Variants in JAKMIP3 observed in about 807,000 individuals in gnomAD.
JAKMIP3 encodes Janus kinase and microtubule interacting protein 3, also known as janus kinase and microtubule-interacting protein 3.
A neutral mutation model predicts 118.5 loss-of-function variants in JAKMIP3; 58 were observed. That is an observed-to-expected ratio of 0.49 (90% CI 0.40 to 0.61). The LOEUF (loss-of-function observed/expected upper bound fraction) is 0.61, where lower values mean the gene tolerates loss of function less well. Ranked by LOEUF, JAKMIP3 falls within the 20% of genes least tolerant of loss-of-function variation. JAKMIP3 has a pLI of 0.00. For synonymous variants in JAKMIP3, 486 were observed against 451.2 expected, an observed-to-expected ratio of 1.08 and a Z score of -0.98; for missense variants, 950 against 1,109.0, an observed-to-expected ratio of 0.86 and a Z score of 2.04.
intron 1 of JAKMIP3, among the ~76,000 whole-genome samples, chr10:132,103,989 T>C (rs2045513226): frequency 6.6e-6 from 1 of 152,224 alleles, no homozygotes; most frequent in Non-Finnish European, 1.5e-5. Context: ...TTTGTCCTTC[T>C]GTGACCGGCT....
At chr10:132,142,686 C>T (rs1033774706) in intron 11 of JAKMIP3, among the ~76,000 whole-genome samples, 8 of 152,190 alleles carry the variant, frequency 5.3e-5, no homozygotes, top group Non-Finnish European at 1.2e-4. Context: ...GGTCGGGGGT[C>T]CTCTTGCCGC....
chr10:132,158,589 A>C (rs868358096), intron 19 of JAKMIP3, among the ~76,000 whole-genome samples: 1 of 152,012 alleles, frequency 6.6e-6, no homozygotes, highest in Non-Finnish European at 1.5e-5. Flanking sequence ...CCTACTCTGG[A>C]GGGGACTGGG....
chr10:132,125,524 C>T (rs961519588), intron 3 of JAKMIP3, among the ~76,000 whole-genome samples: 1 of 152,248 alleles, frequency 6.6e-6, no homozygotes, highest in Non-Finnish European at 1.5e-5. Flanking sequence ...TTCCTTCTTT[C>T]CCTTCTTCAA....
rs544994337 is a variant in JAKMIP3 at position 132,131,943 on chromosome 10, C to T, written c.634-1369C>T. The stretch of plus-strand genomic sequence containing the variant: ...CTGCCCTGCCTGCTGCTGGAAACAG[C>T]CCACCGTGAGCAAGGTGGGGGCTCC... On this transcript the variant is annotated intron_variant, in intron 3 of 23. Coordinates refer to ENST00000684848, the MANE Select transcript of JAKMIP3 (RefSeq NM_001323087.2). Among the ~76,000 whole-genome samples the T allele has an allele frequency of 3.3e-5, 5 of 152,272 alleles. No homozygotes were observed. In the East Asian group the frequency reaches 9.7e-4, roughly 29 times the overall value.
chr10:132,074,671 A>G (rs1358691768), intron 1 of JAKMIP3, among the ~76,000 whole-genome samples: 3 of 152,190 alleles, frequency 2.0e-5, no homozygotes, highest in Admixed American at 2.0e-4. Flanking sequence ...GCTGTGCAGA[A>G]ACATTTTAGT....
At chr10:132,154,192 G>A (rs765799025) in intron 19 of JAKMIP3, among the ~76,000 whole-genome samples, 1 of 152,254 alleles carries the variant, frequency 6.6e-6, no homozygotes, top group Non-Finnish European at 1.5e-5. Context: ...CATAAACGGA[G>A]CAGGATTAGT....
chr10:132,096,702 C>T (rs2043913474), intron 1 of JAKMIP3, among the ~76,000 whole-genome samples: 1 of 152,042 alleles, frequency 6.6e-6, no homozygotes, highest in African/African-American at 2.4e-5. Context: ...CATACTTTTC[C>T]CTGCTCCCCC....
intron 8 of JAKMIP3, among the ~76,000 whole-genome samples, chr10:132,137,854 C>T (rs761930897): frequency 3.3e-5 from 5 of 152,224 alleles, no homozygotes; most frequent in South Asian, 2.1e-4. Context: ...GGCCCCTGGA[C>T]GCATTTAGAA....
intron 1 of JAKMIP3, among the ~76,000 whole-genome samples, chr10:132,036,976 C>A (rs1166377951): frequency 6.6e-6 from 1 of 152,084 alleles, no homozygotes; most frequent in East Asian, 1.9e-4. Context: ...GCACAGGCCT[C>A]GGCGCTGGCG....
At chr10:132,099,059 C>T (rs1323837077) in intron 1 of JAKMIP3, among the ~76,000 whole-genome samples, 2 of 151,982 alleles carry the variant, frequency 1.3e-5, no homozygotes, top group Admixed American at 6.6e-5. Context: ...AGGATGCCCC[C>T]GAATCACAGG....
rs1389525646 is a variant in JAKMIP3 at position 132,112,028 on chromosome 10, A to G, written c.136-5049A>G. On this transcript the variant is annotated intron_variant, in intron 2 of 23. Transcript: ENST00000684848. The surrounding 1 kb of genome is among the most constrained non-coding windows in gnomAD (Gnocchi z 4.3). ...GGGAGAGGAGCCAGGAGGTGTTGGCAGGCGGGGGTAGAGCGTGCGGGTGGA... is the reference window on the plus strand; with the variant it reads ...GGGAGAGGAGCCAGGAGGTGTTGGCGGGCGGGGGTAGAGCGTGCGGGTGGA... Among the ~76,000 whole-genome samples, 2 of 151,978 alleles carry G rather than the reference A, an allele frequency of 1.3e-5. No individual in the cohort carries two copies. The highest frequency in any genetic ancestry group is 4.8e-5 in the African/African-American group (2 of 41,368).
intron 1 of JAKMIP3, among the ~76,000 whole-genome samples, chr10:132,055,194 G>C (rs2038206267): frequency 6.6e-6 from 1 of 152,190 alleles, no homozygotes; most frequent in African/African-American, 2.4e-5. Flanking sequence ...CTCAACAGGA[G>C]TAGTGCCTTT....
At chr10:132,125,479 C>T (rs905978793) in intron 3 of JAKMIP3, among the ~76,000 whole-genome samples, 3 of 152,256 alleles carry the variant, frequency 2.0e-5, no homozygotes, top group Admixed American at 2.0e-4. Flanking sequence ...CACTCTAAAG[C>T]ACATCCTGAC....
intron 3 of JAKMIP3, among the ~76,000 whole-genome samples, chr10:132,125,324 A>T (rs2135516115): frequency 6.6e-6 from 1 of 152,334 alleles, no homozygotes; most frequent in Non-Finnish European, 1.5e-5. Context: ...GTTTTTTGAA[A>T]TGACCGTCCT....
chr10:132,168,311 TC>T lies in JAKMIP3; in HGVS notation c.*385del. 7.8e-7 allele frequency: 1 copy of T among 1,289,104 alleles called. No homozygotes were observed. The highest frequency in any genetic ancestry group is 1.2e-5 in the South Asian group (1 of 80,998). The allele number at this position is 1,289,104 out of a possible 1,614,324, so 79.9% of individuals were successfully genotyped here. ...TCTGTGCAGAAGCACCAGCCGCGGGTCCCCTCCTCTCTCTTGGTTCTCACAG... is the reference window on the plus strand; with the variant it reads ...TCTGTGCAGAAGCACCAGCCGCGGGTCCCTCCTCTCTCTTGGTTCTCACAG... On this transcript the variant is annotated 3_prime_UTR_variant, in exon 23 of 24. Coordinates refer to ENST00000684848, the MANE Select transcript of JAKMIP3 (RefSeq NM_001323087.2).
chr10:132,131,515 GTGT>G (rs1384609488), intron 3 of JAKMIP3, among the ~76,000 whole-genome samples: 1 of 151,898 alleles, frequency 6.6e-6, no homozygotes, highest in Non-Finnish European at 1.5e-5. Flanking sequence ...GCTCCAGCAA[GTGT>G]TGTGGATCCT....
intron 1 of JAKMIP3, among the ~76,000 whole-genome samples, chr10:132,056,017 G>A (rs1053849464): frequency 1.3e-5 from 2 of 152,178 alleles, no homozygotes; most frequent in Non-Finnish European, 2.9e-5. Context: ...GGGGACACTT[G>A]AGTCCGCCTG....
chr10:132,061,296 A>G (rs570449108), upstream of JAKMIP3, among the ~76,000 whole-genome samples: 6 of 151,992 alleles, frequency 3.9e-5, no homozygotes, highest in African/African-American at 1.4e-4. Context: ...GTGACGGCAC[A>G]CACACACACG....
At chr10:132,139,194 G>A (rs2052627690) in intron 9 of JAKMIP3, among the ~76,000 whole-genome samples, 1 of 83,488 alleles carries the variant, frequency 1.2e-5, no homozygotes, top group African/African-American at 6.0e-5. Context: ...GTATGTGTGT[G>A]TATGAGTGTG....
Sources: allele counts gnomAD v4.1 joint callset (sites outside exome capture counted in the v4.1 genomes callset), GRCh38; gene constraint gnomAD v4.1.1; non-coding constraint Gnocchi (gnomAD v3.1); transcripts MANE v1.5; gene names NCBI Gene and HGNC (gene_info 2026-07-23, HGNC 2026-07-21).